FMNL2: variants seen among roughly 807,000 people sequenced by gnomAD.
FMNL2 encodes the protein formin like 2.
In FMNL2, 51 loss-of-function variants were observed where a neutral mutation model predicts 130.2. That is an observed-to-expected ratio of 0.39 (90% confidence interval 0.31 to 0.49). The LOEUF is 0.49. FMNL2 is among the 20% of genes least tolerant of loss of function. The probability of loss-of-function intolerance (pLI) is 0.85; values close to 1 mark genes in which losing one functional copy is unlikely to be tolerated. For missense variants in FMNL2, 977 were observed against 1,316.2 expected (o/e 0.74, Z 3.99); for synonymous variants, 465 against 467.1 (o/e 1.00, Z 0.06).
rs1432523152 is a variant in FMNL2, at chr2:152,412,501, T to TAA, written c.117+76783_117+76784dup. ...ATATATATATATATATATATATATA[T>TAA]AAATTAGAAAAAAATTGAAACAGGG... On this transcript the variant is annotated intron_variant, in intron 1 of 25. Coordinates refer to ENST00000288670, the MANE Select transcript of FMNL2 (RefSeq NM_052905.4). Among the ~76,000 whole-genome samples the TAA allele has an allele frequency of 1.0e-3, 100 of 98,988 alleles. 1 individual carries two copies. The highest frequency in any genetic ancestry group is 6.0e-3 in the Middle Eastern group (1 of 166). 64.9% of individuals were successfully genotyped at this position (98,988 alleles called of 152,430 possible). A position where few individuals can be genotyped will look rare whatever the true frequency, so the allele number is the denominator to read the frequency against.
intron 1 of FMNL2, among the ~76,000 whole-genome samples, chr2:152,486,817 A>G (rs992834998): frequency 7.9e-5 from 12 of 152,228 alleles, no homozygotes; most frequent in African/African-American, 2.9e-4. Context: ...TAAAAAAGCT[A>G]TCGTAACATG....
chr2:152,604,156 C>T (rs1698237384), intron 9 of FMNL2, among the ~76,000 whole-genome samples: 2 of 150,968 alleles, frequency 1.3e-5, no homozygotes, highest in South Asian at 4.3e-4. Flanking sequence ...GTCTCAGATA[C>T]TGCTGGAATG....
intron 1 of FMNL2, among the ~76,000 whole-genome samples, chr2:152,486,337 A>G (rs1286677507): frequency 1.3e-5 from 2 of 152,220 alleles, no homozygotes; most frequent in Non-Finnish European, 2.9e-5. Context: ...TCCTAACAAT[A>G]TACGATTCTT....
At chr2:152,539,285 G>T in intron 2 of FMNL2, 1 of 153,514 alleles carries the variant, frequency 6.5e-6, no homozygotes, top group South Asian at 1.9e-4. Context: ...TGTTCATTTT[G>T]ATCCTCTTGC....
In FMNL2 at chr2:152,531,127, C is replaced by T. The variant is rs76215788; in HGVS notation, c.201+9101C>T. On this transcript the variant is annotated intron_variant, in intron 2 of 25. Transcript: ENST00000288670. ...TGGTTCTCTTCACAATCAATTGGACCACAGCCACTTAGTTATTGATATATG... is the reference window on the plus strand; with the variant it reads ...TGGTTCTCTTCACAATCAATTGGACTACAGCCACTTAGTTATTGATATATG... Among the ~76,000 whole-genome samples the T allele has an allele frequency of 2.3e-4, 35 of 152,230 alleles. No homozygotes were observed. The East Asian group carries it at 6.4e-3, about 28-fold the overall frequency.
At chr2:152,532,532 G>A (rs1486516519) in intron 2 of FMNL2, among the ~76,000 whole-genome samples, 1 of 151,640 alleles carries the variant, frequency 6.6e-6, no homozygotes, top group Admixed American at 6.6e-5. Context: ...ATCTTTTTAT[G>A]TGCCTGTTTG....
At chr2:152,380,592 T>G (rs1011729426) in intron 1 of FMNL2, among the ~76,000 whole-genome samples, 3 of 152,224 alleles carry the variant, frequency 2.0e-5, no homozygotes, top group African/African-American at 4.8e-5. Context: ...GGTTTTCCCC[T>G]TTAGCTAGAA....
intron 10 of FMNL2, among the ~76,000 whole-genome samples, chr2:152,611,080 C>T (rs1698652937): frequency 2.0e-5 from 3 of 152,318 alleles, no homozygotes; most frequent in Admixed American, 1.3e-4. Flanking sequence ...GTGGGTCATG[C>T]CTGTAATCCC....
At chr2:152,638,769 G>A (rs1448287570) in intron 23 of FMNL2, among the ~76,000 whole-genome samples, 2 of 152,220 alleles carry the variant, frequency 1.3e-5, no homozygotes, top group African/African-American at 4.8e-5. Flanking sequence ...CAAGCCCACT[G>A]GCTGGCTGTG....
intron 9 of FMNL2, among the ~76,000 whole-genome samples, chr2:152,595,962 CT>C (rs542948085): frequency 0.2 from 26,498 of 131,790 alleles, 2,950 homozygotes; most frequent in African/African-American, 0.34. Context: ...GCAAGGAAGT[CT>C]TTTTTTTTTT....
At chr2:152,552,898 C>G (rs947509451) in intron 4 of FMNL2, among the ~76,000 whole-genome samples, 1 of 152,198 alleles carries the variant, frequency 6.6e-6, no homozygotes, top group Non-Finnish European at 1.5e-5. Context: ...ACTGTCTCTC[C>G]TTGCAGGGAA....
At position 152,516,757 on chromosome 2, in the gene FMNL2, A is replaced by G. The variant is rs1354096566; in HGVS notation, c.118-5186A>G. ...CTCTGTTTTGCTACCACATAGGTCT[A>G]TTTGGTTGTGAATGATTTGGGCACC... On this transcript the variant is annotated intron_variant, in intron 1 of 25. Coordinates refer to ENST00000288670, the MANE Select transcript of FMNL2 (RefSeq NM_052905.4). Among the ~76,000 whole-genome samples the G allele has an allele frequency of 3.9e-5, 6 of 152,198 alleles. No homozygotes were observed. In the East Asian group the frequency reaches 7.7e-4, roughly 20 times the overall value.
chr2:152,608,367 AAAAAG>A (rs1453819207), intron 10 of FMNL2, among the ~76,000 whole-genome samples: 1,020 of 15,492 alleles, frequency 0.066, 48 homozygotes, highest in African/African-American at 0.087. Flanking sequence ...TGTGAAAAAA[AAAAAG>A]AAAAAAAAAA....
chr2:152,601,558 C>T (rs1011719106), intron 9 of FMNL2, among the ~76,000 whole-genome samples: 3 of 151,992 alleles, frequency 2.0e-5, no homozygotes, highest in African/African-American at 7.2e-5. Flanking sequence ...ACCTTGGCCT[C>T]CCAAAGTGCT....
intron 9 of FMNL2, among the ~76,000 whole-genome samples, chr2:152,602,590 T>C (rs1366625407): frequency 6.6e-6 from 1 of 152,190 alleles, no homozygotes; most frequent in Admixed American, 6.5e-5. Context: ...GAGAACGAGA[T>C]ATACCAGTGA....
At chr2:152,577,640 C>T (rs922789996) in intron 7 of FMNL2, among the ~76,000 whole-genome samples, 2 of 152,070 alleles carry the variant, frequency 1.3e-5, no homozygotes, top group African/African-American at 2.4e-5. Context: ...AAGTAGGAGC[C>T]AAGTGAAGGA....
intron 1 of FMNL2, among the ~76,000 whole-genome samples, chr2:152,469,480 C>G (rs1266706699): frequency 6.6e-6 from 1 of 152,146 alleles, no homozygotes; most frequent in African/African-American, 2.4e-5. Context: ...TTGTTTGCAC[C>G]CACAGCTGCA....
At position 152,575,181 on chromosome 2, in the gene FMNL2, A is replaced by T. The variant is rs980636541; in HGVS notation, c.642A>T (p.Leu214Phe). Reference protein sequence around the residue: ...PSRRTLKNSRLVSKKDDVHVC... With the variant: ...PSRRTLKNSRFVSKKDDVHVC... Reference sequence around the variant, plus strand: ...GAAGAACTCTGAAAAATTCAAGATTAGTGAGTAAGAAAGATGATGTGCATG... The same window carrying T: ...GAAGAACTCTGAAAAATTCAAGATTTGTGAGTAAGAAAGATGATGTGCATG... The change falls in exon 7 of 26, where the codon TTA (leucine) becomes TTT (phenylalanine). Residue 214 changes from leucine to phenylalanine, a missense_variant. By Grantham distance (22) the Leu-to-Phe change is conservative. Coordinates refer to ENST00000288670, the MANE Select transcript of FMNL2 (RefSeq NM_052905.4). 3.1e-6 allele frequency: 5 copies of T among 1,608,168 alleles called. No individual in the cohort carries two copies. Among genetic ancestry groups the T allele is most frequent in the Non-Finnish European group, 4.2e-6 (5 of 1,176,998 alleles).
At chr2:152,538,872 A>G (rs186596661) in intron 2 of FMNL2, among the ~76,000 whole-genome samples, 40 of 152,342 alleles carry the variant, frequency 2.6e-4, no homozygotes, top group African/African-American at 8.7e-4. Context: ...TTGGGAAAAT[A>G]CATAAGAAAA....
Sources: allele counts gnomAD v4.1 joint callset (sites outside exome capture counted in the v4.1 genomes callset), GRCh38; gene constraint gnomAD v4.1.1; transcripts MANE v1.5; gene names NCBI Gene and HGNC (gene_info 2026-07-23, HGNC 2026-07-21).